Variants in MYOM2 observed in about 807,000 individuals in gnomAD.
MYOM2 encodes myomesin-2.
A neutral mutation model predicts 187.6 loss-of-function variants in MYOM2; 254 were observed. That is an observed-to-expected ratio of 1.35 (90% confidence interval 1.22 to 1.50). The LOEUF is 1.50. MYOM2 is among the 40% of genes most tolerant of loss of function. MYOM2 has a pLI of 0.00. For missense variants in MYOM2, 2,796 were observed against 1,924.0 expected, an observed-to-expected ratio of 1.45 and a Z score of -8.48; for synonymous variants, 981 against 753.8, an observed-to-expected ratio of 1.30 and a Z score of -4.94.
chr8:2,065,839 C>A (rs935494333), intron 6 of MYOM2, among the ~76,000 whole-genome samples: 1 of 151,892 alleles, frequency 6.6e-6, no homozygotes, highest in African/African-American at 2.4e-5. Context: ...GGGCTTCGTG[C>A]CTGACAGGTG....
chr8:2,122,949 G>C (rs1403067619), intron 28 of MYOM2, among the ~76,000 whole-genome samples: 1 of 142,540 alleles, frequency 7.0e-6, no homozygotes, highest in South Asian at 2.3e-4. Flanking sequence ...CTTTGTTAAT[G>C]ACATTTCATA....
chr8:2,132,020 A>C (rs749687691), intron 32 of MYOM2, among the ~76,000 whole-genome samples: 12 of 152,204 alleles, frequency 7.9e-5, no homozygotes, highest in Admixed American at 2.6e-4. Flanking sequence ...AAACAACATG[A>C]AACTATATTA....
At position 2,142,320 on chromosome 8, in the gene MYOM2, G is replaced by C. The variant is rs139014653; in HGVS notation, c.4002-55G>C. On this transcript the variant is annotated intron_variant, in intron 34 of 36. Transcript: ENST00000262113. ...CTCTCAGCTGTGCATTTTGTTGGAA[G>C]CATTTTCTCATACTCTCTTTTCATT... 4,291 of 1,565,460 alleles carry C rather than the reference G, an allele frequency of 2.7e-3. 62 individuals are homozygous for C. In the East Asian group the frequency reaches 0.037, roughly 13 times the overall value.
chr8:2,111,548 C>T (rs895327692), intron 25 of MYOM2, among the ~76,000 whole-genome samples: 4 of 152,186 alleles, frequency 2.6e-5, no homozygotes, highest in Non-Finnish European at 4.4e-5. Context: ...CAAATAAGGA[C>T]AGTGCATTTA....
chr8:2,059,742 C>CTTT lies in MYOM2; in HGVS notation c.653+512_653+514dup, dbSNP rs60345808. 3.2e-4 allele frequency among the ~76,000 whole-genome samples: 42 copies of CTTT among 131,122 alleles called. 2 individuals carry two copies. The highest frequency in any genetic ancestry group is 7.8e-4 in the African/African-American group (27 of 34,648). The allele number at this position is 131,122 out of a possible 152,430, so 86.0% of individuals were successfully genotyped here. A position where few individuals can be genotyped will look rare whatever the true frequency, so the allele number is the denominator to read the frequency against. ...CTTTTTTCCTCACGCGACACACACA[C>CTTT]TTTTTTTTTTTTTTTTTGAGGCAGA... On this transcript the variant is annotated intron_variant, in intron 6 of 36. Transcript: ENST00000262113.
rs143901180 is a variant in MYOM2 at position 2,143,591 on chromosome 8, T to TC, written c.4080+142dup. The TC allele has an allele frequency of 5.8e-3, 6,148 of 1,054,502 alleles. 93 individuals carry two copies. The highest frequency in any genetic ancestry group is 0.038 in the African/African-American group (2,354 of 62,768). 65.3% of individuals were successfully genotyped at this position (1,054,502 alleles called of 1,614,324 possible). On this transcript the variant is annotated intron_variant, in intron 36 of 36. Coordinates refer to ENST00000262113, the MANE Select transcript of MYOM2 (RefSeq NM_003970.4). ...CACTCAGCCTGCAGGGAACCCAGAG[T>TC]CCCCCCCACTTTTCTGCCCCTCCTA...
At chr8:2,123,502 T>C (rs1199381457) in intron 29 of MYOM2, 53 bp from the exon 30 acceptor site, 4 of 1,534,992 alleles carry the variant, frequency 2.6e-6, no homozygotes, top group East Asian at 2.3e-5. Flanking sequence ...TATTACGTTT[T>C]CTAAGATTGC....
At chr8:2,092,636 T>A in intron 16 of MYOM2, 116 bp downstream of exon 16, 12 of 1,115,430 alleles carry the variant, frequency 1.1e-5, no homozygotes, top group Non-Finnish European at 1.5e-5. Flanking sequence ...CGTAAATGAG[T>A]CTGTCTTAGC....
intron 27 of MYOM2, among the ~76,000 whole-genome samples, chr8:2,116,851 G>A (rs142581653): frequency 3.9e-5 from 6 of 152,070 alleles, no homozygotes; most frequent in South Asian, 2.1e-4. Flanking sequence ...TCCGCCTCCC[G>A]GGTTCACGCC....
chr8:2,073,308 A>T (rs772734241), intron 9 of MYOM2, 31 bp from the exon 10 acceptor site: 1 of 1,581,874 alleles, frequency 6.3e-7, no homozygotes, highest in South Asian at 1.1e-5. Flanking sequence ...GTGATTTTGG[A>T]TGCAAACCTT....
chr8:2,100,037 C>CTTCCTTCCTTCT (rs1796631822), intron 19 of MYOM2, among the ~76,000 whole-genome samples: 2 of 110,190 alleles, frequency 1.8e-5, no homozygotes, highest in African/African-American at 6.2e-5. Context: ...TCCTTCTTTC[C>CTTCCTTCCTTCT]TTCCTTCCTT....
chr8:2,100,707 C>G (rs944531596), intron 19 of MYOM2, among the ~76,000 whole-genome samples, 169 bp from the exon 20 acceptor site: 1 of 151,346 alleles, frequency 6.6e-6, no homozygotes, highest in Admixed American at 6.6e-5. Context: ...TGAGCACCCT[C>G]CTTACCCTGC....
At chr8:2,118,569 T>G (rs913905980) in intron 28 of MYOM2, among the ~76,000 whole-genome samples, 3 of 152,188 alleles carry the variant, frequency 2.0e-5, no homozygotes, top group Admixed American at 2.0e-4. Flanking sequence ...ATTCGTGAGC[T>G]GCGTGTGCCA....
chr8:2,142,496 C>G (rs1798307206), intron 35 of MYOM2, 99 bp downstream of exon 35: 2 of 1,179,808 alleles, frequency 1.7e-6, no homozygotes, highest in East Asian at 2.3e-5. Context: ...TAAATAATAA[C>G]CAGCAATCCC....
intron 14 of MYOM2, among the ~76,000 whole-genome samples, chr8:2,086,385 CCTCCCACTGTTGTGATCTCTGCGTGGCCT>C (rs1796056649): frequency 2.6e-5 from 3 of 116,580 alleles, no homozygotes; most frequent in African/African-American, 1.3e-4. Context: ...CTCTGCGTGG[CCTCCCACTGTTGTGATCTCTGCGTGGCCT>C]CCCACTGTTG....
intron 28 of MYOM2, among the ~76,000 whole-genome samples, chr8:2,121,159 C>G (rs1339034836): frequency 1.3e-5 from 2 of 152,154 alleles, no homozygotes; most frequent in Admixed American, 6.5e-5. Flanking sequence ...TTACCCTGCA[C>G]AGAAAGGTAT....
At chr8:2,047,935 A>C (rs6558589) in intron 1 of MYOM2, among the ~76,000 whole-genome samples, 2,751 of 152,334 alleles carry the variant, frequency 0.018, 96 homozygotes, top group African/African-American at 0.063. Context: ...GACTGGTTGA[A>C]GGATAGCTAG....
At chr8:2,125,151 G>C (rs764987137) in intron 31 of MYOM2, among the ~76,000 whole-genome samples, 2 of 152,102 alleles carry the variant, frequency 1.3e-5, no homozygotes, top group Non-Finnish European at 2.9e-5. Context: ...CTATCCAAGC[G>C]ATCACTGCCC....
intron 13 of MYOM2, among the ~76,000 whole-genome samples, chr8:2,084,538 A>T (rs1413439423): frequency 6.6e-6 from 1 of 152,148 alleles, no homozygotes; most frequent in Non-Finnish European, 1.5e-5. Flanking sequence ...AAAAACCTCC[A>T]CCTCCACTCC....
Sources: allele counts gnomAD v4.1 joint callset (sites outside exome capture counted in the v4.1 genomes callset), GRCh38; gene constraint gnomAD v4.1.1; transcripts MANE v1.5; gene names NCBI Gene and HGNC (gene_info 2026-07-23, HGNC 2026-07-21).